Variants in MCC observed in about 807,000 individuals in gnomAD.
MCC encodes colorectal mutant cancer protein.
In MCC, 90 loss-of-function variants were observed where a neutral mutation model predicts 116.2. The ratio of observed to expected loss-of-function variants is 0.77; its 90% confidence interval spans 0.65 to 0.92. The LOEUF is 0.92. Among genes scored for constraint, MCC ranks in the 40% least tolerant of loss-of-function variants. The pLI is 0.00. For missense variants in MCC, 1,516 were observed against 1,312.2 expected (o/e 1.16, Z -2.40); for synonymous variants, 578 against 510.5 (o/e 1.13, Z -1.78).
chr5:113,087,062 CCGGTGCCAG>C (rs1484573803), intron 8 of MCC, among the ~76,000 whole-genome samples: 4 of 152,208 alleles, frequency 2.6e-5, no homozygotes, highest in African/African-American at 9.7e-5. Context: ...GAGCCATGCC[CCGGTGCCAG>C]CCCTGCCGCC....
intron 1 of MCC, among the ~76,000 whole-genome samples, chr5:113,464,638 C>G (rs1771846095): frequency 6.6e-6 from 1 of 152,046 alleles, no homozygotes; most frequent in African/African-American, 2.4e-5. Flanking sequence ...CACCTCCTGT[C>G]CCATGTAAGT....
chr5:113,355,939 G>A (rs956368895), intron 2 of MCC, among the ~76,000 whole-genome samples: 1 of 152,066 alleles, frequency 6.6e-6, no homozygotes, highest in Non-Finnish European at 1.5e-5. Context: ...TGGCATCCCT[G>A]TAAGTAGACA....
chr5:113,210,306 A>T (rs551212243), intron 3 of MCC, among the ~76,000 whole-genome samples: 1 of 152,160 alleles, frequency 6.6e-6, no homozygotes. Context: ...TTCTCTCTTA[A>T]ATATTTATTC....
intron 13 of MCC, among the ~76,000 whole-genome samples, chr5:113,067,742 C>G (rs1383601896): frequency 6.6e-6 from 1 of 152,280 alleles, no homozygotes; most frequent in Non-Finnish European, 1.5e-5. Flanking sequence ...CAGCATGTGC[C>G]TTGACAACAG....
intron 3 of MCC, among the ~76,000 whole-genome samples, chr5:113,193,932 G>A (rs555887784): frequency 1.3e-5 from 2 of 152,082 alleles, no homozygotes; most frequent in East Asian, 3.9e-4. Flanking sequence ...CTATGAAAGT[G>A]TATTTTGTGA....
At position 113,023,267 on chromosome 5, in the gene MCC, G is replaced by C. The variant is rs1053712773; in HGVS notation, c.*4035C>G. The C allele has an allele frequency of 1.3e-5, 2 of 152,202 alleles. No homozygotes were observed. Among genetic ancestry groups the C allele is most frequent in the Non-Finnish European group, 2.9e-5 (2 of 68,034 alleles). 9.4% of individuals were successfully genotyped at this position (152,202 alleles called of 1,614,324 possible). On this transcript the variant is annotated 3_prime_UTR_variant, in exon 19 of 19. Coordinates refer to ENST00000408903, the MANE Select transcript of MCC (RefSeq NM_001085377.2). ...GGATGTGGATAAACTTTAAGAACTG[G>C]ATAGTGAAGGCGTAACTTTTGTTTT...
chr5:113,090,059 T>C (rs574002831), intron 8 of MCC, among the ~76,000 whole-genome samples: 29 of 152,182 alleles, frequency 1.9e-4, no homozygotes, highest in South Asian at 1.9e-3. Context: ...ACTGGATAGA[T>C]AGATTTAGGA....
intron 3 of MCC, among the ~76,000 whole-genome samples, chr5:113,168,936 T>G (rs889961235): frequency 6.6e-6 from 1 of 152,142 alleles, no homozygotes; most frequent in African/African-American, 2.4e-5. Context: ...CCACCAACTC[T>G]CTTGCAGGCA....
At chr5:113,455,703 T>G (rs1045590051) in intron 1 of MCC, among the ~76,000 whole-genome samples, 8 of 152,154 alleles carry the variant, frequency 5.3e-5, no homozygotes, top group Non-Finnish European at 1.0e-4. Flanking sequence ...TAATCAAACA[T>G]GTATAATGAA....
intron 1 of MCC, among the ~76,000 whole-genome samples, chr5:113,399,401 A>C (rs7732281): frequency 0.45 from 67,609 of 151,894 alleles, 16,610 homozygotes; most frequent in African/African-American, 0.65. Context: ...AGAAGAATGG[A>C]GTGAACCCGG....
chr5:113,424,277 CA>C (rs918804867), intron 1 of MCC, among the ~76,000 whole-genome samples: 16 of 148,650 alleles, frequency 1.1e-4, no homozygotes, highest in South Asian at 2.1e-4. Context: ...ATAAAAGAGA[CA>C]AAAAAAATTA....
chr5:113,327,561 A>AAAT lies in MCC; in HGVS notation c.627+12957_627+12958insATT, dbSNP rs1480996383. ...ACTCAGTCTCAAAAAAAAAAAAAAA[A>AAAT]ATATATATATATATATATATATATA... On this transcript the variant is annotated intron_variant, in intron 3 of 18. Coordinates refer to ENST00000408903, the MANE Select transcript of MCC (RefSeq NM_001085377.2). 9.5e-3 allele frequency among the ~76,000 whole-genome samples: 765 copies of AAAT among 80,454 alleles called. 4 individuals carry two copies. Among genetic ancestry groups the AAAT allele is most frequent in the Non-Finnish European group, 0.014 (571 of 40,326 alleles). 52.8% of individuals were successfully genotyped at this position (80,454 alleles called of 152,430 possible).
chr5:113,231,142 A>C (rs1763927490), intron 3 of MCC, among the ~76,000 whole-genome samples: 1 of 152,218 alleles, frequency 6.6e-6, no homozygotes, highest in Non-Finnish European at 1.5e-5. Flanking sequence ...ATCACTGGTG[A>C]GAAATGCAGA....
rs746372386 is a variant in MCC, at chr5:113,085,286, G to A, written c.1423C>T (p.Gln475Ter). 1 of 1,613,446 alleles carries A rather than the reference G, an allele frequency of 6.2e-7. No homozygotes were observed. Among genetic ancestry groups the A allele is most frequent in the South Asian group, 1.1e-5 (1 of 91,008 alleles). The change falls in exon 9 of 19, where the codon CAG becomes TAG. Residue 475 changes from glutamine to a stop codon, truncating the protein, a stop_gained. Transcript: ENST00000408903. LOFTEE classifies it high-confidence loss of function. ...GAGGGACCTGTGGCCTGCACGCTCTGTAGTCGAGTTTGAAGCTCTCTGACC... is the reference window on the plus strand; with the variant it reads ...GAGGGACCTGTGGCCTGCACGCTCTATAGTCGAGTTTGAAGCTCTCTGACC... ...RRVRELQTRL[Q>*]SVQATGPSSP...
chr5:113,088,371 T>G (rs1248211897), intron 8 of MCC, among the ~76,000 whole-genome samples: 2 of 151,866 alleles, frequency 1.3e-5, no homozygotes, highest in Non-Finnish European at 2.9e-5. Context: ...AATAGAGTTC[T>G]CACTTTTATT....
rs372714572 is a variant in MCC at position 113,037,663 on chromosome 5, C to T, written c.2756+5867G>A. Among the ~76,000 whole-genome samples the T allele has an allele frequency of 2.8e-4, 42 of 152,146 alleles. No individual in the cohort carries two copies. In the East Asian group the frequency reaches 4.2e-3, roughly 15 times the overall value. On this transcript the variant is annotated intron_variant, in intron 17 of 18. Transcript: ENST00000408903. ...GAGCTGTGATTGTGCCACTATACTC[C>T]GGCCTGGATGACAGAGTGAGACCCT...
intron 1 of MCC, among the ~76,000 whole-genome samples, chr5:113,456,953 G>A (rs1343094754): frequency 1.3e-5 from 2 of 152,168 alleles, no homozygotes; most frequent in African/African-American, 2.4e-5. Context: ...GGGAGGGGAT[G>A]AAATCATAAT....
At chr5:113,233,453 C>A (rs1764012458) in intron 3 of MCC, among the ~76,000 whole-genome samples, 1 of 152,176 alleles carries the variant, frequency 6.6e-6, no homozygotes. Flanking sequence ...GCTCCAAACA[C>A]AAATATGAAT....
intron 3 of MCC, among the ~76,000 whole-genome samples, chr5:113,230,370 TAAACAACACA>T (rs1484787380): frequency 1.3e-5 from 2 of 152,320 alleles, no homozygotes; most frequent in Admixed American, 1.3e-4. Context: ...ATCTCATACA[TAAACAACACA>T]GAACATCAAT....
Sources: allele counts gnomAD v4.1 joint callset (sites outside exome capture counted in the v4.1 genomes callset), GRCh38; gene constraint gnomAD v4.1.1; transcripts MANE v1.5; gene names NCBI Gene and HGNC (gene_info 2026-07-23, HGNC 2026-07-21).